UGGT1: variants seen among roughly 807,000 people sequenced by gnomAD.
UGGT1 encodes the protein UDP-glucose:glycoprotein glucosyltransferase 1.
Under a neutral mutation model 203.9 loss-of-function variants are expected in UGGT1, and 107 were observed. That is an observed-to-expected ratio of 0.52 (90% CI 0.45 to 0.62). The LOEUF is 0.62. UGGT1 is among the 20% of genes least tolerant of loss of function. The pLI is 0.00. For synonymous variants in UGGT1, 628 were observed against 653.5 expected (o/e 0.96, Z 0.59); for missense variants, 1,673 against 1,867.2 (o/e 0.90, Z 1.92).
At chr2:128,128,521 C>T (rs1464931152) in intron 12 of UGGT1, among the ~76,000 whole-genome samples, 6 of 152,024 alleles carry the variant, frequency 3.9e-5, no homozygotes, top group Admixed American at 2.0e-4. Flanking sequence ...ACCATGTTGG[C>T]CAGGCTGGTC....
chr2:128,141,182 T>C (rs1030150704), intron 16 of UGGT1, among the ~76,000 whole-genome samples: 1 of 150,958 alleles, frequency 6.6e-6, no homozygotes, highest in Non-Finnish European at 1.5e-5. Flanking sequence ...AAATTGGCCA[T>C]GTGTGGTGGC....
At chr2:128,140,310 C>G (rs941546825) in intron 16 of UGGT1, 1 of 154,494 alleles carries the variant, frequency 6.5e-6, no homozygotes, top group African/African-American at 2.4e-5. Flanking sequence ...CCCCGACGAT[C>G]AGCACCTTTT....
At chr2:128,169,456 G>A (rs1170319633) in intron 26 of UGGT1, among the ~76,000 whole-genome samples, 2 of 152,148 alleles carry the variant, frequency 1.3e-5, no homozygotes, top group African/African-American at 2.4e-5. Context: ...TTATTTTTTG[G>A]CCTTGTAAAT....
At chr2:128,112,996 AT>A (rs1687938102) in intron 5 of UGGT1, 87 bp from the exon 6 acceptor site, 1 of 1,231,408 alleles carries the variant, frequency 8.1e-7, no homozygotes, top group African/African-American at 1.5e-5. Context: ...CTTTATTTGA[AT>A]TTTCATAACT....
chr2:128,122,803 T>C (rs878873244), intron 10 of UGGT1, among the ~76,000 whole-genome samples: 1 of 152,220 alleles, frequency 6.6e-6, no homozygotes, highest in Admixed American at 6.5e-5. Flanking sequence ...TACTTGAAGG[T>C]ATACATGAAT....
intron 19 of UGGT1, among the ~76,000 whole-genome samples, chr2:128,154,666 A>G (rs1300793900): frequency 6.6e-6 from 1 of 152,208 alleles, no homozygotes; most frequent in Non-Finnish European, 1.5e-5. Context: ...CCTGGATAGT[A>G]TTCTATGGAT....
At position 128,169,048 on chromosome 2, in the gene UGGT1, TAAAAAAAAAAAAAAAAAAAAAAAAAAA is replaced by T. The variant is rs544381740; in HGVS notation, c.2922-1223_2922-1197del. Among the ~76,000 whole-genome samples, 109 of 52,576 alleles carry T rather than the reference TAAAAAAAAAAAAAAAAAAAAAAAAAAA, an allele frequency of 2.1e-3. 5 individuals carry two copies. The highest frequency in any genetic ancestry group is 3.6e-3 in the East Asian group (6 of 1,684). 34.5% of individuals were successfully genotyped at this position (52,576 alleles called of 152,430 possible). A position where few individuals can be genotyped will look rare whatever the true frequency, so the allele number is the denominator to read the frequency against. On this transcript the variant is annotated intron_variant, in intron 26 of 40. Coordinates refer to ENST00000259253, the MANE Select transcript of UGGT1 (RefSeq NM_020120.4). ...GGGTGAATGAGCGAGACTCTGTCTT[TAAAAAAAAAAAAAAAAAAAAAAAAAAA>T]AAAAAAAAAAAAAAAAGACAAGGAC...
chr2:128,131,292 G>A (rs1419543178), intron 13 of UGGT1, among the ~76,000 whole-genome samples: 1 of 149,100 alleles, frequency 6.7e-6, no homozygotes, highest in Admixed American at 6.7e-5. Flanking sequence ...GGTGGCTCAC[G>A]CCAGTAATCC....
In UGGT1 at chr2:128,173,955, A is replaced by T; in HGVS notation, c.3453+16A>T. 6.2e-7 allele frequency: 1 copy of T among 1,612,800 alleles called. No individual in the cohort carries two copies. Among genetic ancestry groups the T allele is most frequent in the Non-Finnish European group, 8.5e-7 (1 of 1,179,086 alleles). Reference sequence around the variant, plus strand: ...GGCCAATCTGGTAAATAATCTGTTCATCAGATAGTGATATTGTAGTTACGT... The same window carrying T: ...GGCCAATCTGGTAAATAATCTGTTCTTCAGATAGTGATATTGTAGTTACGT... On this transcript the variant is annotated intron_variant, in intron 30 of 40. Transcript: ENST00000259253.
intron 17 of UGGT1, among the ~76,000 whole-genome samples, chr2:128,144,841 A>G (rs1306797488): frequency 6.6e-6 from 1 of 152,226 alleles, no homozygotes; most frequent in Non-Finnish European, 1.5e-5. Context: ...GTTATAAATA[A>G]TTAAATTCTG....
chr2:128,093,645 A>C (rs1212235454), intron 1 of UGGT1, among the ~76,000 whole-genome samples: 3 of 152,198 alleles, frequency 2.0e-5, no homozygotes, highest in Non-Finnish European at 4.4e-5. Flanking sequence ...CACTTTTCTC[A>C]GTCTGAGTCT....
intron 5 of UGGT1, among the ~76,000 whole-genome samples, chr2:128,110,288 T>C (rs1406199919): frequency 6.6e-6 from 1 of 152,210 alleles, no homozygotes; most frequent in African/African-American, 2.4e-5. Context: ...GCAAGCCCTC[T>C]GTACCTCCTC....
At chr2:128,137,253 C>A (rs978407246) in intron 15 of UGGT1, among the ~76,000 whole-genome samples, 19 of 152,270 alleles carry the variant, frequency 1.2e-4, no homozygotes, top group Middle Eastern at 3.4e-3. Context: ...TCCATCTCTA[C>A]AGAGAACTAA....
At chr2:128,137,260 C>G (rs927947357) in intron 15 of UGGT1, among the ~76,000 whole-genome samples, 1 of 152,060 alleles carries the variant, frequency 6.6e-6, no homozygotes, top group Non-Finnish European at 1.5e-5. Context: ...CTACAGAGAA[C>G]TAAAAAAGAG....
Position 128,171,189 on chromosome 2 carries a change from C to T in UGGT1, c.3025-16C>T. ...AAAAAAATCCTAAATATTTTGTCAT[C>T]TGGTTTTCCTTCTAGGTTTTGGCTC... On this transcript the variant is annotated splice_polypyrimidine_tract_variant and intron_variant, in intron 27 of 40. Coordinates refer to ENST00000259253, the MANE Select transcript of UGGT1 (RefSeq NM_020120.4). 8 of 1,598,538 alleles carry T rather than the reference C, an allele frequency of 5.0e-6. No homozygotes were observed. Among genetic ancestry groups the T allele is most frequent in the Non-Finnish European group, 6.8e-6 (8 of 1,175,148 alleles).
chr2:128,129,158 C>T lies in UGGT1; in HGVS notation c.1356C>T (p.Asp452=). The stretch of plus-strand genomic sequence containing the variant: ...CCTCTGAGGCAGACTATGCCGTAGA[C>T]ATCCGGAGTCCTGCTATTTCAGTGA... ...IQPSEADYAV[D]IRSPAISWVN... The change falls in exon 13 of 41, where the codon GAC becomes GAT. Residue 452 remains aspartate (D), a synonymous_variant. Coordinates refer to ENST00000259253, the MANE Select transcript of UGGT1 (RefSeq NM_020120.4). 1.9e-6 allele frequency: 3 copies of T among 1,610,964 alleles called. No homozygotes were observed. Among genetic ancestry groups the T allele is most frequent in the Non-Finnish European group, 2.5e-6 (3 of 1,179,310 alleles).
intron 12 of UGGT1, among the ~76,000 whole-genome samples, chr2:128,128,419 C>G (rs1688711289): frequency 6.6e-6 from 1 of 151,240 alleles, no homozygotes; most frequent in South Asian, 2.1e-4. Flanking sequence ...TCAAGAGATT[C>G]TCCTGCCTCA....
intron 4 of UGGT1, among the ~76,000 whole-genome samples, chr2:128,108,653 TAAAA>T (rs1687713365): frequency 8.3e-6 from 1 of 120,302 alleles, no homozygotes; most frequent in South Asian, 2.9e-4. Flanking sequence ...TATTATAAAA[TAAAA>T]CATGGAAAAA....
In UGGT1 at chr2:128,170,314, G is replaced by A; in HGVS notation, c.2948G>A (p.Gly983Glu). 6.2e-7 allele frequency: 1 copy of A among 1,614,196 alleles called. No individual in the cohort carries two copies. Among genetic ancestry groups the A allele is most frequent in the Non-Finnish European group, 8.5e-7 (1 of 1,180,030 alleles). The part of the protein sequence containing the change: ...HSAIKLRPKE[G>E]ETYFDVVAVV... ...GCAATCAAACTGAGGCCGAAGGAAG[G>A]GGAGACATACTTTGATGTTGTGGCT... Residue 983 changes from glycine (G) to glutamate (E), a missense_variant, in exon 27 of 41, where the codon GGG becomes GAG. Physicochemically the swap from Gly to Glu is moderately conservative, Grantham distance 98. Coordinates refer to ENST00000259253, the MANE Select transcript of UGGT1 (RefSeq NM_020120.4).
Sources: gnomAD v4.1 joint callset for allele counts (sites outside exome capture counted in the v4.1 genomes callset) on GRCh38, gnomAD v4.1.1 for gene constraint, MANE v1.5 for transcripts, NCBI Gene and HGNC (gene_info 2026-07-23, HGNC 2026-07-21) for gene names.